The following ARL15 variants were observed in gnomAD, a reference collection of about 807,000 sequenced individuals.
ARL15 encodes the protein ADP-ribosylation factor-like protein 15.
ARL15 carries 19 observed loss-of-function variants against 25.2 expected under a neutral mutation model. The ratio of observed to expected loss-of-function variants is 0.75; its 90% CI spans 0.53 to 1.10. The LOEUF (loss-of-function observed/expected upper bound fraction) is 1.10. ARL15 is among the 50% of genes least tolerant of loss of function. The pLI is 0.00. For missense variants in ARL15, 220 were observed against 246.0 expected, an observed-to-expected ratio of 0.89 and a Z score of 0.71; for synonymous variants, 94 against 86.8, an observed-to-expected ratio of 1.08 and a Z score of -0.46.
At chr5:54,301,901 G>C (rs1366748606) in intron 1 of ARL15, among the ~76,000 whole-genome samples, 2 of 152,256 alleles carry the variant, frequency 1.3e-5, no homozygotes, top group South Asian at 2.1e-4. Context: ...TCTAGGTACA[G>C]AGGAACTTGA....
At chr5:54,136,469 A>G (rs1476059982) in intron 3 of ARL15, among the ~76,000 whole-genome samples, 1 of 152,242 alleles carries the variant, frequency 6.6e-6, no homozygotes, top group Non-Finnish European at 1.5e-5. Flanking sequence ...TGTATCATTA[A>G]TCATATGCTT....
intron 1 of ARL15, among the ~76,000 whole-genome samples, chr5:54,271,001 C>T (rs925545555): frequency 6.6e-6 from 1 of 152,188 alleles, no homozygotes; most frequent in Non-Finnish European, 1.5e-5. Flanking sequence ...CTGGAATACA[C>T]TCATCCCCTG....
intron 1 of ARL15, among the ~76,000 whole-genome samples, chr5:54,174,375 G>C (rs191986157): frequency 6.6e-6 from 1 of 152,050 alleles, no homozygotes; most frequent in African/African-American, 2.4e-5. Context: ...CCAAAAGAGT[G>C]GTTTTGGTGT....
intron 1 of ARL15, among the ~76,000 whole-genome samples, chr5:54,208,322 C>T (rs1358956358): frequency 5.3e-5 from 8 of 152,036 alleles, no homozygotes; most frequent in African/African-American, 1.7e-4. Context: ...AGAAACCTAA[C>T]ACAGGAAAAA....
rs78459601 is a variant in ARL15, at chr5:54,192,508, T to C, written c.49-20580A>G. ...CAGAGGTTGATGGAATTCTATATTC[T>C]AGCCGCATTTTTCTTGAATGGAAGG... On this transcript the variant is annotated intron_variant, in intron 1 of 4. Transcript: ENST00000504924. 1.2e-3 allele frequency among the ~76,000 whole-genome samples: 180 copies of C among 152,222 alleles called. 2 individuals are homozygous for C. The East Asian group carries it at 0.029, about 24-fold the overall frequency.
At chr5:54,196,646 T>A (rs1755557989) in intron 1 of ARL15, among the ~76,000 whole-genome samples, 1 of 152,132 alleles carries the variant, frequency 6.6e-6, no homozygotes, top group African/African-American at 2.4e-5. Context: ...TCGGTGTGGG[T>A]AGAACAGAAA....
intron 4 of ARL15, among the ~76,000 whole-genome samples, chr5:54,055,393 C>G (rs1750836600): frequency 9.4e-6 from 1 of 106,762 alleles, no homozygotes; most frequent in African/African-American, 3.6e-5. Context: ...TAGATTCTTG[C>G]TCTGTCGCCC....
At chr5:54,269,759 C>T (rs895163999) in intron 1 of ARL15, among the ~76,000 whole-genome samples, 2 of 152,194 alleles carry the variant, frequency 1.3e-5, no homozygotes, top group African/African-American at 4.8e-5. Context: ...GATTCGCCTG[C>T]CTCAGCCTCC....
At chr5:54,088,454 C>T (rs1434689457) in intron 4 of ARL15, among the ~76,000 whole-genome samples, 1 of 152,142 alleles carries the variant, frequency 6.6e-6, no homozygotes, top group African/African-American at 2.4e-5. Context: ...AAAAAAAAAT[C>T]ATCTATTTGG....
At chr5:54,151,680 TCA>T (rs1233999078) in intron 3 of ARL15, among the ~76,000 whole-genome samples, 1 of 152,026 alleles carries the variant, frequency 6.6e-6, no homozygotes, top group Non-Finnish European at 1.5e-5. Context: ...ACATATATAT[TCA>T]CACACAAACA....
intron 4 of ARL15, among the ~76,000 whole-genome samples, chr5:53,893,055 T>C (rs191695521): frequency 1.3e-5 from 2 of 152,152 alleles, no homozygotes; most frequent in Non-Finnish European, 2.9e-5. Context: ...TCCTAGCACC[T>C]TTCTTTAATC....
chr5:54,068,245 T>C (rs1223610786), intron 4 of ARL15, among the ~76,000 whole-genome samples: 1 of 152,114 alleles, frequency 6.6e-6, no homozygotes, highest in East Asian at 1.9e-4. Context: ...AGACTGTGAA[T>C]TAAGACAAAA....
At chr5:54,027,113 C>A (rs1011709717) in intron 4 of ARL15, among the ~76,000 whole-genome samples, 1 of 152,122 alleles carries the variant, frequency 6.6e-6, no homozygotes, top group Non-Finnish European at 1.5e-5. Flanking sequence ...TGTGGTGTTT[C>A]TAAAAATTTA....
At chr5:53,910,616 A>G (rs551625936) in intron 4 of ARL15, among the ~76,000 whole-genome samples, 9 of 36,584 alleles carry the variant, frequency 2.5e-4, no homozygotes, top group African/African-American at 5.6e-4. Context: ...TAGAACTTAA[A>G]GTATAATAAA....
intron 3 of ARL15, among the ~76,000 whole-genome samples, chr5:54,140,589 G>A (rs911918736): frequency 3.9e-5 from 6 of 152,042 alleles, no homozygotes; most frequent in African/African-American, 1.4e-4. Context: ...AGTACAGAGT[G>A]GGAAAACATA....
At chr5:54,286,215 G>C (rs1354806069) in intron 1 of ARL15, 1 of 151,908 alleles carries the variant, frequency 6.6e-6, no homozygotes, top group Non-Finnish European at 1.5e-5. Flanking sequence ...CTTCAAATTA[G>C]GAGAAAGGAT....
chr5:54,287,981 G>GTGTGCAA (rs1359530153), intron 1 of ARL15, among the ~76,000 whole-genome samples: 2 of 152,182 alleles, frequency 1.3e-5, no homozygotes, highest in African/African-American at 4.8e-5. Flanking sequence ...AAAACTGAGG[G>GTGTGCAA]AATACAAAAA....
At chr5:54,102,675 C>T (rs1383776503) in intron 4 of ARL15, among the ~76,000 whole-genome samples, 1 of 152,104 alleles carries the variant, frequency 6.6e-6, no homozygotes, top group Non-Finnish European at 1.5e-5. Flanking sequence ...TCTAAGGATT[C>T]CCCTGACAAG....
At chr5:54,087,816 C>T (rs1282787012) in intron 4 of ARL15, among the ~76,000 whole-genome samples, 4 of 35,328 alleles carry the variant, frequency 1.1e-4, no homozygotes, top group Admixed American at 4.1e-4. Context: ...GCTAGGATTA[C>T]AGTCACATGA....
Sources: allele counts gnomAD v4.1 joint callset (sites outside exome capture counted in the v4.1 genomes callset), GRCh38; gene constraint gnomAD v4.1.1; transcripts MANE v1.5; gene names NCBI Gene and HGNC (gene_info 2026-07-23, HGNC 2026-07-21).